FRYL: variants seen among roughly 807,000 people sequenced by gnomAD.
FRYL encodes FRY like transcription coactivator.
Under a neutral mutation model 351.2 loss-of-function variants are expected in FRYL, and 150 were observed. The observed-to-expected ratio is 0.43, with a 90% CI of 0.37 to 0.49. FRYL has a LOEUF of 0.49. FRYL is among the 20% of genes least tolerant of loss of function. The pLI, the probability that FRYL is intolerant of heterozygous loss-of-function variation, is 0.00. For missense variants in FRYL, 3,036 were observed against 3,619.3 expected (o/e 0.84, Z 4.13); for synonymous variants, 1,153 against 1,257.1 (o/e 0.92, Z 1.75).
At chr4:48,509,299 C>T (rs1349790509) in intron 59 of FRYL, among the ~76,000 whole-genome samples, 1 of 152,160 alleles carries the variant, frequency 6.6e-6, no homozygotes, top group East Asian at 1.9e-4. Flanking sequence ...GAGCAATGTA[C>T]TTGAAGCTAC....
chr4:48,508,070 C>T (rs1721661726), intron 59 of FRYL, among the ~76,000 whole-genome samples: 2 of 152,174 alleles, frequency 1.3e-5, no homozygotes, highest in African/African-American at 4.8e-5. Flanking sequence ...AACATATAGT[C>T]TTTGTAACTA....
chr4:48,525,183 A>G (rs1237844403), intron 53 of FRYL, among the ~76,000 whole-genome samples: 1 of 145,748 alleles, frequency 6.9e-6, no homozygotes, highest in Non-Finnish European at 1.5e-5. Context: ...ATATATATAT[A>G]TATATATATA....
In FRYL at chr4:48,535,099, A is replaced by G. The variant is rs1387876796; in HGVS notation, c.6565-414T>C. On this transcript the variant is annotated intron_variant, in intron 48 of 63. Transcript: ENST00000358350. Reference sequence around the variant, plus strand: ...TAACTTTTTGTGCTGTTCTAGGGCTACTTTATCATCCATTTTTTGCTGTCT... The same window carrying G: ...TAACTTTTTGTGCTGTTCTAGGGCTGCTTTATCATCCATTTTTTGCTGTCT... Among the ~76,000 whole-genome samples, 3 of 152,318 alleles carry G rather than the reference A, an allele frequency of 2.0e-5. No individual in the cohort carries two copies. In the East Asian group the frequency reaches 5.8e-4, roughly 29 times the overall value.
Position 48,544,012 on chromosome 4 carries a change from G to A in FRYL, c.5402-15C>T, listed in dbSNP as rs746750595. 20 of 1,610,910 alleles carry A rather than the reference G, an allele frequency of 1.2e-5. No homozygotes were observed. In the South Asian group the frequency reaches 1.5e-4, roughly 12 times the overall value. ...ATGAATTCCTTCTGTGAATGCAAAGGAAACGAGTAGGTTGTTCTTGTTCTT... is the reference window on the plus strand; with the variant it reads ...ATGAATTCCTTCTGTGAATGCAAAGAAAACGAGTAGGTTGTTCTTGTTCTT... On this transcript the variant is annotated splice_polypyrimidine_tract_variant and intron_variant, in intron 43 of 63. Transcript: ENST00000358350.
intron 3 of FRYL, among the ~76,000 whole-genome samples, chr4:48,671,056 A>G (rs1328495207): frequency 5.3e-5 from 8 of 152,260 alleles, no homozygotes; most frequent in Admixed American, 6.5e-5. Context: ...ACTAATGTAC[A>G]TTCCCATCAA....
At chr4:48,557,335 T>G in intron 34 of FRYL, 118 bp downstream of exon 34, 1 of 1,377,034 alleles carries the variant, frequency 7.3e-7, no homozygotes, top group Non-Finnish European at 9.9e-7. Flanking sequence ...TGAGTCTTTT[T>G]TAAAGAAAGA....
chr4:48,576,351 G>A (rs1449270112), intron 23 of FRYL, 129 bp from the exon 24 acceptor site: 2 of 662,948 alleles, frequency 3.0e-6, no homozygotes, highest in East Asian at 6.6e-5. Flanking sequence ...ACCCAGGCCG[G>A]AGTGCAACTG....
chr4:48,757,836 T>C (rs1773958616), intron 1 of FRYL, among the ~76,000 whole-genome samples: 1 of 152,088 alleles, frequency 6.6e-6, no homozygotes, highest in Non-Finnish European at 1.5e-5. Flanking sequence ...TTTCAAACTA[T>C]ACTACAAGGC....
chr4:48,606,326 GA>G, intron 10 of FRYL, 111 bp downstream of exon 10: 1 of 629,876 alleles, frequency 1.6e-6, no homozygotes, highest in Middle Eastern at 4.5e-4. Context: ...CATGGAATAA[GA>G]GACTAAAAAT....
Position 48,754,097 on chromosome 4 carries a change from T to C in FRYL, c.-384+25981A>G, listed in dbSNP as rs116033490. ...TGAGTGGCATTAAGTACATGCATTATATTTTACAACCAACACCTCTATCTC... is the reference window on the plus strand; with the variant it reads ...TGAGTGGCATTAAGTACATGCATTACATTTTACAACCAACACCTCTATCTC... On this transcript the variant is annotated intron_variant, in intron 1 of 63. Transcript: ENST00000358350. Among the ~76,000 whole-genome samples the C allele has an allele frequency of 4.4e-3, 663 of 152,348 alleles. 8 individuals carry two copies. Among genetic ancestry groups the C allele is most frequent in the African/African-American group, 0.014 (598 of 41,584 alleles).
intron 31 of FRYL, 29 bp from the exon 32 acceptor site, chr4:48,563,017 A>C (rs753475707): frequency 7.4e-7 from 1 of 1,344,302 alleles, no homozygotes; most frequent in Non-Finnish European, 1.1e-6. Context: ...TATTAAGTAA[A>C]TAACAATGTT....
chr4:48,693,078 A>G (rs924990766), intron 2 of FRYL, among the ~76,000 whole-genome samples: 3 of 152,192 alleles, frequency 2.0e-5, no homozygotes, highest in African/African-American at 7.2e-5. Flanking sequence ...CTGTTAAAAA[A>G]TGCAAATGTC....
At chr4:48,648,482 T>C (rs1010482840) in intron 3 of FRYL, among the ~76,000 whole-genome samples, 3 of 152,154 alleles carry the variant, frequency 2.0e-5, no homozygotes, top group South Asian at 2.1e-4. Flanking sequence ...CCTTCAGATC[T>C]TCCTAAAGTA....
At chr4:48,610,798 TA>T in intron 7 of FRYL, among the ~76,000 whole-genome samples, 1 of 147,256 alleles carries the variant, frequency 6.8e-6, no homozygotes, top group East Asian at 2.0e-4. Flanking sequence ...TATATTGAAA[TA>T]TGTATATATG....
chr4:48,626,207 T>C (rs1751771448), intron 4 of FRYL, among the ~76,000 whole-genome samples: 2 of 152,114 alleles, frequency 1.3e-5, no homozygotes. Context: ...TGGTTTAATT[T>C]CCTCATTGTC....
chr4:48,665,271 G>A (rs1761508577), intron 3 of FRYL, among the ~76,000 whole-genome samples: 1 of 152,132 alleles, frequency 6.6e-6, no homozygotes, highest in South Asian at 2.1e-4. Context: ...TCCTCTGCTA[G>A]AATGAAACAG....
chr4:48,720,013 G>A (rs1769288310), intron 1 of FRYL, among the ~76,000 whole-genome samples: 1 of 150,866 alleles, frequency 6.6e-6, no homozygotes, highest in Non-Finnish European at 1.5e-5. Flanking sequence ...AGCTGGGTGT[G>A]GTGGCGTGCA....
At chr4:48,523,674 AAT>A (rs1298413945) in intron 53 of FRYL, among the ~76,000 whole-genome samples, 18 of 152,226 alleles carry the variant, frequency 1.2e-4, no homozygotes, top group African/African-American at 4.1e-4. Context: ...TTTTATGCAA[AAT>A]ATGTTGTGAA....
intron 20 of FRYL, among the ~76,000 whole-genome samples, chr4:48,582,073 T>C (rs1741065716): frequency 6.6e-6 from 1 of 152,220 alleles, no homozygotes; most frequent in South Asian, 2.1e-4. Context: ...TTCTATGATT[T>C]ACACATTATC....
Sources: gnomAD v4.1 joint callset for allele counts (sites outside exome capture counted in the v4.1 genomes callset) on GRCh38, gnomAD v4.1.1 for gene constraint, MANE v1.5 for transcripts, NCBI Gene and HGNC (gene_info 2026-07-23, HGNC 2026-07-21) for gene names.